The following MYLK variants were observed in gnomAD, a reference collection of about 807,000 sequenced individuals.
MYLK encodes myosin light chain kinase, smooth muscle.
In MYLK, 106 loss-of-function variants were observed where a neutral mutation model predicts 203.4. That is an observed-to-expected ratio of 0.52 (90% CI 0.45 to 0.61). MYLK has a LOEUF of 0.61. Ranked by LOEUF, MYLK falls within the 20% of genes least tolerant of loss-of-function variation. The probability of loss-of-function intolerance (pLI) is 0.00; values close to 1 mark genes in which losing one functional copy is unlikely to be tolerated. For synonymous variants in MYLK, 867 were observed against 959.5 expected (o/e 0.90, Z 1.78); for missense variants, 2,072 against 2,442.3 (o/e 0.85, Z 3.20).
intron 28 of MYLK, chr3:123,639,074 C>G (rs2058742069): frequency 1.0e-6 from 1 of 985,234 alleles, no homozygotes; most frequent in Admixed American, 6.1e-5. Flanking sequence ...CCACAGTATC[C>G]CTCACCAGTG....
At chr3:123,864,239 G>A (rs1368379442) in intron 2 of MYLK, among the ~76,000 whole-genome samples, 1 of 152,200 alleles carries the variant, frequency 6.6e-6, no homozygotes, top group East Asian at 1.9e-4. Flanking sequence ...TAGGATGATG[G>A]TAATGTCCAA....
At chr3:123,793,179 A>C (rs2064849575) in intron 4 of MYLK, among the ~76,000 whole-genome samples, 1 of 152,224 alleles carries the variant, frequency 6.6e-6, no homozygotes, top group African/African-American at 2.4e-5. Context: ...GCAAGTGACC[A>C]GTATTCATTT....
At chr3:123,793,482 C>T (rs1204248921) in intron 4 of MYLK, among the ~76,000 whole-genome samples, 195 bp downstream of exon 4, 1 of 152,200 alleles carries the variant, frequency 6.6e-6, no homozygotes, top group African/African-American at 2.4e-5. Flanking sequence ...TCCCCACCCC[C>T]AAGTTCTCCA....
intron 2 of MYLK, among the ~76,000 whole-genome samples, chr3:123,868,439 C>A (rs974332350): frequency 2.0e-5 from 3 of 152,092 alleles, no homozygotes; most frequent in Non-Finnish European, 4.4e-5. Flanking sequence ...TAATAATACC[C>A]AACATTTTCT....
At chr3:123,884,145 C>T (rs2033711326) in intron 1 of MYLK, 61 bp downstream of exon 1, 1 of 151,708 alleles carries the variant, frequency 6.6e-6, no homozygotes, top group African/African-American at 2.4e-5. Context: ...GAACTCCCAC[C>T]CTCGGAGCCT....
At chr3:123,878,800 C>T (rs2033323533) in intron 1 of MYLK, among the ~76,000 whole-genome samples, 1 of 152,122 alleles carries the variant, frequency 6.6e-6, no homozygotes, top group Admixed American at 6.5e-5. Flanking sequence ...GATTCTCTTG[C>T]CCCAGCCTCC....
chr3:123,714,271 T>G (rs1576699313), intron 13 of MYLK, among the ~76,000 whole-genome samples: 1 of 152,208 alleles, frequency 6.6e-6, no homozygotes, highest in Non-Finnish European at 1.5e-5. Flanking sequence ...GAGATGCTGC[T>G]GGTGGGGTCC....
intron 2 of MYLK, chr3:123,835,748 G>T (rs1195301912): frequency 6.6e-6 from 1 of 152,096 alleles, no homozygotes; most frequent in Non-Finnish European, 1.5e-5. Flanking sequence ...CCCAAGGCAG[G>T]TTATAGAAAC....
rs149412278 is a variant in MYLK at position 123,613,206 on chromosome 3, T to G, written c.*899A>C. 6.6e-6 allele frequency: 1 copy of G among 152,336 alleles called. No individual in the cohort carries two copies. The highest frequency in any genetic ancestry group is 1.9e-4 in the East Asian group (1 of 5,186). The allele number at this position is 152,336 out of a possible 1,614,324, so 9.4% of individuals were successfully genotyped here. ...CTGTTTCATCGTGGCCAATAGATAA[T>G]TAAGACTAACTTTTCAGCAAACTGA... On this transcript the variant is annotated 3_prime_UTR_variant, in exon 34 of 34. Transcript: ENST00000360304.
Position 123,829,951 on chromosome 3 carries a change from TG to T in MYLK, c.-4+1596del, listed in dbSNP as rs561330560. On this transcript the variant is annotated intron_variant, in intron 3 of 33. Transcript: ENST00000360304. ...ACTGGGTGAGTCCTATGGTGTCATG[TG>T]CCCCTAGGCTTTAAAACTGAAGTTT... Among the ~76,000 whole-genome samples, 19 of 152,338 alleles carry T rather than the reference TG, an allele frequency of 1.2e-4. No individual in the cohort carries two copies. The South Asian group carries it at 3.9e-3, about 32-fold the overall frequency.
chr3:123,801,543 C>T (rs1175133502), intron 3 of MYLK, among the ~76,000 whole-genome samples: 1 of 152,164 alleles, frequency 6.6e-6, no homozygotes, highest in Non-Finnish European at 1.5e-5. Flanking sequence ...GAGCATAGTA[C>T]CCAACAGATA....
intron 33 of MYLK, among the ~76,000 whole-genome samples, 176 bp from the exon 34 acceptor site, chr3:123,614,525 A>G (rs1183258165): frequency 3.3e-5 from 5 of 152,204 alleles, no homozygotes; most frequent in African/African-American, 1.2e-4. Context: ...ATGTCTTGTA[A>G]ATACCAATAT....
intron 4 of MYLK, among the ~76,000 whole-genome samples, chr3:123,761,143 C>T (rs2063520794): frequency 6.6e-6 from 1 of 152,212 alleles, no homozygotes; most frequent in Non-Finnish European, 1.5e-5. Flanking sequence ...GCTCCCCAAA[C>T]AACACAGAGA....
rs2058122989 is a variant in MYLK at position 123,625,854 on chromosome 3, G to T, written c.5238+964C>A. On this transcript the variant is annotated intron_variant, in intron 31 of 33. Coordinates refer to ENST00000360304, the MANE Select transcript of MYLK (RefSeq NM_053025.4). ...TAATTCTAATTGTGGTAATAAAAAT[G>T]ATAAAATAGGTGATGATGGTGATAA... 2.6e-5 allele frequency among the ~76,000 whole-genome samples: 4 copies of T among 151,386 alleles called. No individual in the cohort carries two copies. The South Asian group carries it at 8.4e-4, about 32-fold the overall frequency.
intron 23 of MYLK, among the ~76,000 whole-genome samples, chr3:123,662,272 C>T (rs1427348799): frequency 6.6e-6 from 1 of 152,164 alleles, no homozygotes; most frequent in East Asian, 1.9e-4. Context: ...AGAGCTAGTT[C>T]CCACTTAGCC....
At chr3:123,832,961 G>A (rs2066379234) in intron 2 of MYLK, among the ~76,000 whole-genome samples, 1 of 152,142 alleles carries the variant, frequency 6.6e-6, no homozygotes, top group African/African-American at 2.4e-5. Context: ...GAGAGAGAGG[G>A]TGGAAACCCT....
intron 20 of MYLK, among the ~76,000 whole-genome samples, chr3:123,668,936 G>A (rs1293782181): frequency 6.6e-6 from 1 of 152,178 alleles, no homozygotes; most frequent in East Asian, 1.9e-4. Flanking sequence ...ACACAATAAC[G>A]ATTTGTTGAA....
rs2066498634 is a variant in MYLK, at chr3:123,837,415, CAG to C, written c.-126-5747_-126-5746del. On this transcript the variant is annotated intron_variant, in intron 2 of 33. Coordinates refer to ENST00000360304, the MANE Select transcript of MYLK (RefSeq NM_053025.4). ...TGTCTTGCTCCTTCCTGATTCTAAC[CAG>C]AGTTTTATCAATGTAGCCTTTGAAC... 2.7e-5 allele frequency among the ~76,000 whole-genome samples: 4 copies of C among 150,722 alleles called. No individual in the cohort carries two copies. The South Asian group carries it at 8.4e-4, about 32-fold the overall frequency.
intron 27 of MYLK, among the ~76,000 whole-genome samples, chr3:123,641,957 C>T (rs1029027469): frequency 4.0e-5 from 6 of 151,816 alleles, no homozygotes; most frequent in Admixed American, 1.3e-4. Context: ...TGGGCTCAAG[C>T]GATCCTCTTG....
Sources: gnomAD v4.1 joint callset for allele counts (sites outside exome capture counted in the v4.1 genomes callset) on GRCh38, gnomAD v4.1.1 for gene constraint, MANE v1.5 for transcripts, NCBI Gene and HGNC (gene_info 2026-07-23, HGNC 2026-07-21) for gene names.